Variants in TSHZ1 observed in about 807,000 individuals in gnomAD.
TSHZ1 encodes the protein teashirt homolog 1.
A neutral mutation model predicts 67.1 loss-of-function variants in TSHZ1; 12 were observed. The ratio of observed to expected loss-of-function variants is 0.18; its 90% confidence interval spans 0.11 to 0.29. TSHZ1 has a LOEUF of 0.29. TSHZ1 is among the 10% of genes least tolerant of loss of function. TSHZ1 has a pLI of 1.00. For missense variants in TSHZ1, 1,305 were observed against 1,413.9 expected (o/e 0.92, Z 1.23); for synonymous variants, 632 against 622.4 (o/e 1.02, Z -0.23).
rs770987378 is a variant in TSHZ1 at position 75,285,767 on chromosome 18, T to C, written c.360T>C (p.Tyr120=). The C allele has an allele frequency of 9.9e-6, 16 of 1,613,998 alleles. No individual in the cohort carries two copies. The African/African-American group carries it at 1.1e-4, about 11-fold the overall frequency. The stretch of plus-strand genomic sequence containing the variant: ...GCCTGGCACAGATCAAAGCTGTGTA[T>C]GCAAACTTGTTCTCCGAGTCCTGCT... ...QDSLAQIKAV[Y]ANLFSESCWS... is the part of the protein sequence containing the mutation. Residue 120 remains tyrosine (Y), a synonymous_variant, in exon 2 of 2, where the codon TAT becomes TAC. Transcript: ENST00000580243.
chr18:75,224,402 G>A (rs1400269703), intron 1 of TSHZ1, among the ~76,000 whole-genome samples: 2 of 152,146 alleles, frequency 1.3e-5, no homozygotes, highest in Non-Finnish European at 1.5e-5. Context: ...CCTTTCTGAT[G>A]AGCGGAAGTG....
At chr18:75,247,863 CT>C (rs34014801) in intron 1 of TSHZ1, among the ~76,000 whole-genome samples, 191 of 142,996 alleles carry the variant, frequency 1.3e-3, no homozygotes, top group African/African-American at 2.3e-3. Context: ...TCAGACCTTA[CT>C]TTTTTTTTTT....
chr18:75,231,101 T>G (rs1431869504), intron 1 of TSHZ1, among the ~76,000 whole-genome samples: 3 of 152,292 alleles, frequency 2.0e-5, no homozygotes, highest in African/African-American at 7.2e-5. Flanking sequence ...GCAGTTTCTC[T>G]CCAGTGGTGG....
intron 1 of TSHZ1, among the ~76,000 whole-genome samples, chr18:75,267,962 G>T (rs2023511384): frequency 6.6e-6 from 1 of 152,198 alleles, no homozygotes; most frequent in Admixed American, 6.5e-5. Flanking sequence ...TTCGAAGGGG[G>T]TTATTAACAA....
chr18:75,243,175 C>T (rs984242714), intron 1 of TSHZ1, among the ~76,000 whole-genome samples: 7 of 152,186 alleles, frequency 4.6e-5, no homozygotes, highest in African/African-American at 1.7e-4. Context: ...GCAGGCTTAC[C>T]CGGGCTGGCC....
At chr18:75,282,828 A>G (rs981984652) in intron 1 of TSHZ1, 3 of 152,276 alleles carry the variant, frequency 2.0e-5, no homozygotes, top group African/African-American at 7.2e-5. Context: ...ATTAGCACAC[A>G]CAGGTTGGCC....
chr18:75,235,780 A>G (rs530194847), intron 1 of TSHZ1, among the ~76,000 whole-genome samples: 1 of 152,234 alleles, frequency 6.6e-6, no homozygotes, highest in Non-Finnish European at 1.5e-5. Flanking sequence ...TCCATTTTCC[A>G]ATTCATCTCA....
At chr18:75,276,484 G>A (rs555261975) in intron 1 of TSHZ1, among the ~76,000 whole-genome samples, 41 of 152,010 alleles carry the variant, frequency 2.7e-4, no homozygotes, top group Non-Finnish European at 4.0e-4. Flanking sequence ...GTTTCCCAGC[G>A]TATTCTAACT....
intron 1 of TSHZ1, among the ~76,000 whole-genome samples, chr18:75,258,906 A>T (rs182591948): frequency 5.4e-4 from 83 of 152,306 alleles, no homozygotes; most frequent in African/African-American, 1.7e-3. Flanking sequence ...ACTTGCTATT[A>T]AAAAAATTAT....
chr18:75,288,194 C>T lies in TSHZ1; in HGVS notation c.2787C>T (p.Ile929=), dbSNP rs369479515. 27 of 1,614,102 alleles carry T rather than the reference C, an allele frequency of 1.7e-5. No individual in the cohort carries two copies. The African/African-American group carries it at 3.6e-4, about 22-fold the overall frequency. The change falls in exon 2 of 2, where the codon ATC becomes ATT. Residue 929 remains isoleucine (I), a synonymous_variant. Coordinates refer to ENST00000580243, the MANE Select transcript of TSHZ1 (RefSeq NM_001308210.2). This position sits in a 1 kb window ranked among gnomAD's most constrained non-coding sequence, Gnocchi z 4.9. The stretch of plus-strand genomic sequence containing the variant: ...TGGGCCCGCAGGAGAGGGTGCACAT[C>T]TCGAAGTTTACTGGGCTCTCCATGA... ...SDLGPQERVH[I]SKFTGLSMTT... is the part of the protein sequence containing the mutation.
At position 75,281,288 on chromosome 18, in the gene TSHZ1, C is replaced by G. The variant is rs143049099; in HGVS notation, c.41-4160C>G. Among the ~76,000 whole-genome samples the G allele has an allele frequency of 1.3e-5, 2 of 152,152 alleles. No individual in the cohort carries two copies. The highest frequency in any genetic ancestry group is 4.8e-5 in the African/African-American group (2 of 41,418). ...TGAGGATGGCGCTGCTTTTCTGCCTCGGATACTCTCGTTTGGGGTTATTCG... is the reference window on the plus strand; with the variant it reads ...TGAGGATGGCGCTGCTTTTCTGCCTGGGATACTCTCGTTTGGGGTTATTCG... On this transcript the variant is annotated intron_variant, in intron 1 of 1. Coordinates refer to ENST00000580243, the MANE Select transcript of TSHZ1 (RefSeq NM_001308210.2). This position sits in a 1 kb window ranked among gnomAD's most constrained non-coding sequence, Gnocchi z 5.3.
chr18:75,219,622 G>T (rs548333404), intron 1 of TSHZ1, among the ~76,000 whole-genome samples: 1 of 152,268 alleles, frequency 6.6e-6, no homozygotes, highest in Non-Finnish European at 1.5e-5. Context: ...TTAGATTAAA[G>T]AAAAATATTC....
intron 1 of TSHZ1, among the ~76,000 whole-genome samples, chr18:75,277,481 C>G (rs1426142187): frequency 6.6e-6 from 1 of 152,032 alleles, no homozygotes; most frequent in Non-Finnish European, 1.5e-5. Flanking sequence ...GGACTGTGAG[C>G]AACAGACTTG....
intron 1 of TSHZ1, among the ~76,000 whole-genome samples, chr18:75,246,001 C>T (rs1464443096): frequency 5.9e-5 from 9 of 152,148 alleles, no homozygotes; most frequent in Admixed American, 5.2e-4. Context: ...GCCAGGGGAG[C>T]GGGCTTCCCC....
intron 1 of TSHZ1, among the ~76,000 whole-genome samples, chr18:75,269,968 T>C (rs148504095): frequency 3.9e-5 from 6 of 152,344 alleles, no homozygotes; most frequent in Non-Finnish European, 5.9e-5. Context: ...TCATAGCGGA[T>C]ACATGTGACC....
rs186762374 is a variant in TSHZ1, at chr18:75,214,093, T to C, written c.40+2177T>C. 1.1e-3 allele frequency among the ~76,000 whole-genome samples: 164 copies of C among 152,334 alleles called. 2 individuals carry two copies. In the South Asian group the frequency reaches 0.032, roughly 29 times the overall value. ...CAGGGTTTATTATCTCTACTTTGAT[T>C]CCAAACCTGTGGGATTCTTGTGTTC... On this transcript the variant is annotated intron_variant, in intron 1 of 1. Transcript: ENST00000580243.
chr18:75,268,648 C>T (rs146848987), intron 1 of TSHZ1, among the ~76,000 whole-genome samples: 190 of 152,302 alleles, frequency 1.2e-3, no homozygotes, highest in Middle Eastern at 6.8e-3. Flanking sequence ...GCGGTGATTG[C>T]CACGACTTCC....
intron 1 of TSHZ1, among the ~76,000 whole-genome samples, chr18:75,239,685 G>A: frequency 6.6e-6 from 1 of 152,138 alleles, no homozygotes; most frequent in East Asian, 1.9e-4. Context: ...ATTTTGTTTT[G>A]TAGAGGCAGA....
chr18:75,223,879 A>G (rs2022882600), intron 1 of TSHZ1, among the ~76,000 whole-genome samples: 1 of 152,096 alleles, frequency 6.6e-6, no homozygotes, highest in Non-Finnish European at 1.5e-5. Context: ...CCAGCTTATT[A>G]CTGAGGCAGA....
Sources: gnomAD v4.1 joint callset for allele counts (sites outside exome capture counted in the v4.1 genomes callset) on GRCh38, gnomAD v4.1.1 for gene constraint, Gnocchi (gnomAD v3.1) non-coding constraint, MANE v1.5 for transcripts, NCBI Gene and HGNC (gene_info 2026-07-23, HGNC 2026-07-21) for gene names.